The following AVP variants were observed in gnomAD, a reference collection of about 807,000 sequenced individuals.
The protein encoded by AVP is vasopressin-neurophysin 2-copeptin.
AVP carries 9 observed loss-of-function variants against 11.1 expected under a neutral mutation model. That is an observed-to-expected ratio of 0.81 (90% CI 0.49 to 1.42). The LOEUF (loss-of-function observed/expected upper bound fraction) is 1.42, where lower values mean the gene tolerates loss of function less well. Ranked by LOEUF, AVP falls within the 40% of genes most tolerant of loss-of-function variation. The pLI is 0.00. For missense variants in AVP, 206 were observed against 238.5 expected (o/e 0.86, Z 0.90); for synonymous variants, 106 against 111.3 (o/e 0.95, Z 0.30).
In AVP at chr20:3,084,625, GAGA is replaced by G. The variant is rs1346862847; in HGVS notation, c.47_49del (p.Phe16del). ...GCAGTTCTGGAAGTAGCACGCGGAGGAGAAGGCCAGTAGGCCGAGGAAGCAGGC... is the reference window on the plus strand; with the variant it reads ...GCAGTTCTGGAAGTAGCACGCGGAGGAGGCCAGTAGGCCGAGGAAGCAGGC... On this transcript the variant is annotated inframe_deletion, in exon 1 of 3. Transcript: ENST00000380293. The G allele has an allele frequency of 6.2e-7, 1 of 1,613,780 alleles. No individual in the cohort carries two copies. Among genetic ancestry groups the G allele is most frequent in the Non-Finnish European group, 8.5e-7 (1 of 1,180,052 alleles).
chr20:3,082,904 G>A lies in AVP; in HGVS notation c.322+73C>T. The A allele has an allele frequency of 2.3e-6, 1 of 435,840 alleles. No homozygotes were observed. The allele number at this position is 435,840 out of a possible 1,614,324, so 27.0% of individuals were successfully genotyped here. A position where few individuals can be genotyped will look rare whatever the true frequency, so the allele number is the denominator to read the frequency against. On this transcript the variant is annotated intron_variant, in intron 2 of 2. Transcript: ENST00000380293. This position sits in a 1 kb window ranked among gnomAD's most constrained non-coding sequence, Gnocchi z 4.7. ...CCGGGCCCGACGCAGCCCCCACCCC[G>A]CCGCAGGCCCGCGTCCCCCCCACCC...
Position 3,082,587 on chromosome 20 carries a change from A to AG in AVP, c.*42dup. The AG allele has an allele frequency of 8.1e-7, 1 of 1,235,404 alleles. No homozygotes were observed. The highest frequency in any genetic ancestry group is 3.2e-5 in the East Asian group (1 of 30,878). 76.5% of individuals were successfully genotyped at this position (1,235,404 alleles called of 1,614,324 possible). ...GGCGGAGGTTTATTGTCCGTGCTGC[A>AG]GGGGCGGGCGCGAAGAGCGCGCCGG... is the stretch of plus-strand genomic sequence containing the variant. On this transcript the variant is annotated 3_prime_UTR_variant, in exon 3 of 3. Coordinates refer to ENST00000380293, the MANE Select transcript of AVP (RefSeq NM_000490.5). The surrounding 1 kb of genome is among the most constrained non-coding windows in gnomAD (Gnocchi z 4.7).
chr20:3,082,669 C>A lies in AVP; in HGVS notation c.456G>T (p.Ala152=), dbSNP rs1161409198. The change falls in exon 3 of 3, where the codon GCG becomes GCT. Residue 152 remains alanine, a synonymous_variant. Transcript: ENST00000380293. This position sits in a 1 kb window ranked among gnomAD's most constrained non-coding sequence, Gnocchi z 4.7. ...GCTGGGCGGGCTCGAAGGGCTCGGG[C>A]GCCCCGGCCAGCTGCACCAGCCGCA... The part of the protein sequence containing the change: ...LLLRLVQLAG[A]PEPFEPAQPD... The A allele has an allele frequency of 1.2e-5, 15 of 1,283,830 alleles. No homozygotes were observed. The East Asian group carries it at 4.4e-4, about 38-fold the overall frequency. 79.5% of individuals were successfully genotyped at this position (1,283,830 alleles called of 1,614,324 possible). A position where few individuals can be genotyped will look rare whatever the true frequency, so the allele number is the denominator to read the frequency against.
Position 3,082,604 on chromosome 20 carries a change from G to C in AVP, c.*26C>G, listed in dbSNP as rs1317495753. ...CGTGCTGCAGGGGCGGGCGCGAAGA[G>C]CGCGCCGGTGGGGCGAGCGCGGGGC... On this transcript the variant is annotated 3_prime_UTR_variant, in exon 3 of 3. Coordinates refer to ENST00000380293, the MANE Select transcript of AVP (RefSeq NM_000490.5). This position sits in a 1 kb window ranked among gnomAD's most constrained non-coding sequence, Gnocchi z 4.7. 3 of 1,245,148 alleles carry C rather than the reference G, an allele frequency of 2.4e-6. No homozygotes were observed. Among genetic ancestry groups the C allele is most frequent in the Non-Finnish European group, 3.0e-6 (3 of 995,736 alleles). 77.1% of individuals were successfully genotyped at this position (1,245,148 alleles called of 1,614,324 possible).
Position 3,083,204 on chromosome 20 carries a change from G to A in AVP, c.121-26C>T. 3 of 1,449,230 alleles carry A rather than the reference G, an allele frequency of 2.1e-6. No homozygotes were observed. Among genetic ancestry groups the A allele is most frequent in the Non-Finnish European group, 2.7e-6 (3 of 1,101,474 alleles). 89.8% of individuals were successfully genotyped at this position (1,449,230 alleles called of 1,614,324 possible). The stretch of plus-strand genomic sequence containing the variant: ...CTGCGGGGACGGGCGGGGTGAGCGG[G>A]AGGAGGGGAGCCGGGAGTCGAGGGG... On this transcript the variant is annotated intron_variant, in intron 1 of 2. Transcript: ENST00000380293. This position sits in a 1 kb window ranked among gnomAD's most constrained non-coding sequence, Gnocchi z 5.4.
In AVP at chr20:3,082,731, C is replaced by A; in HGVS notation, c.394G>T (p.Ala132Ser). ...RRARASDRSNATQLDGPAGAL... is the reference protein window; with the variant it reads ...RRARASDRSNSTQLDGPAGAL... ...CCGGCCGGCCCGTCCAGCTGCGTGG[C>A]GTTGCTCCGGTCGCTGGCGCGGGCG... is the stretch of plus-strand genomic sequence containing the variant. Residue 132 changes from alanine (A) to serine (S), a missense_variant, in exon 3 of 3, where the codon GCC becomes TCC. By Grantham distance (99) the Ala-to-Ser change is moderately conservative (BLOSUM62 1). Coordinates refer to ENST00000380293, the MANE Select transcript of AVP (RefSeq NM_000490.5). This position sits in a 1 kb window ranked among gnomAD's most constrained non-coding sequence, Gnocchi z 4.7. 7.8e-7 allele frequency: 1 copy of A among 1,285,412 alleles called. No homozygotes were observed. Among genetic ancestry groups the A allele is most frequent in the Non-Finnish European group, 9.8e-7 (1 of 1,019,178 alleles). 79.6% of individuals were successfully genotyped at this position (1,285,412 alleles called of 1,614,324 possible).
chr20:3,083,313 C>A lies in AVP; in HGVS notation c.121-135G>T. 1.0e-6 allele frequency: 1 copy of A among 988,866 alleles called. No individual in the cohort carries two copies. Among genetic ancestry groups the A allele is most frequent in the South Asian group, 2.2e-5 (1 of 44,664 alleles). 61.3% of individuals were successfully genotyped at this position (988,866 alleles called of 1,614,324 possible). ...GACACCGGGGCTGCGGCTGCAGGCA[C>A]GCTCGGGCGCCACTGGGCCTCGACC... On this transcript the variant is annotated intron_variant, in intron 1 of 2. Transcript: ENST00000380293. This position sits in a 1 kb window ranked among gnomAD's most constrained non-coding sequence, Gnocchi z 5.4.
chr20:3,082,965 C>A lies in AVP; in HGVS notation c.322+12G>T. On this transcript the variant is annotated intron_variant, in intron 2 of 2. Transcript: ENST00000380293. This position sits in a 1 kb window ranked among gnomAD's most constrained non-coding sequence, Gnocchi z 4.7. Reference sequence around the variant, plus strand: ...CGCCCCCCCCAGCCCCAGGCCCGCCCCCGCCGCGCACCGTCGTTGCAGCAA... The same window carrying A: ...CGCCCCCCCCAGCCCCAGGCCCGCCACCGCCGCGCACCGTCGTTGCAGCAA... 1 of 1,438,756 alleles carries A rather than the reference C, an allele frequency of 7.0e-7. No individual in the cohort carries two copies. The allele number at this position is 1,438,756 out of a possible 1,614,324, so 89.1% of individuals were successfully genotyped here. A position where few individuals can be genotyped will look rare whatever the true frequency, so the allele number is the denominator to read the frequency against.
chr20:3,082,681 C>G lies in AVP; in HGVS notation c.444G>C (p.Gln148His). ...CGAAGGGCTCGGGCGCCCCGGCCAG[C>G]TGCACCAGCCGCAGCAGCAAGGCCC... ...PAGALLLRLV[Q>H]LAGAPEPFEP... Residue 148 changes from glutamine to histidine, a missense_variant, in exon 3 of 3, where the codon CAG becomes CAC. Coordinates refer to ENST00000380293, the MANE Select transcript of AVP (RefSeq NM_000490.5). The surrounding 1 kb of genome is among the most constrained non-coding windows in gnomAD (Gnocchi z 4.7). The G allele has an allele frequency of 7.8e-7, 1 of 1,287,850 alleles. No individual in the cohort carries two copies. Among genetic ancestry groups the G allele is most frequent in the Non-Finnish European group, 9.8e-7 (1 of 1,020,880 alleles). 79.8% of individuals were successfully genotyped at this position (1,287,850 alleles called of 1,614,324 possible).
intron 1 of AVP, 106 bp downstream of exon 1, chr20:3,084,449 C>G: frequency 6.3e-7 from 1 of 1,587,260 alleles, no homozygotes; most frequent in Non-Finnish European, 8.6e-7. Flanking sequence ...CCGAACTTCC[C>G]CTAAAGGCTA....
At position 3,082,758 on chromosome 20, in the gene AVP, G is replaced by A. The variant is rs1049648051; in HGVS notation, c.367C>T (p.Arg123Cys). The change falls in exon 3 of 3, where the codon CGC (arginine) becomes TGC (cysteine). Residue 123 changes from arginine to cysteine, a missense_variant. Physicochemically the swap from Arg to Cys is radical, Grantham distance 180 (BLOSUM62 -3). Transcript: ENST00000380293. The surrounding 1 kb of genome is among the most constrained non-coding windows in gnomAD (Gnocchi z 4.7). ...EPECREGFHR[R>C]ARASDRSNAT... ...TTGCTCCGGTCGCTGGCGCGGGCGC[G>A]GCGGTGAAAGCCCTCGCGGCACTCG... 2.4e-6 allele frequency: 3 copies of A among 1,271,810 alleles called. No homozygotes were observed. Among genetic ancestry groups the A allele is most frequent in the Admixed American group, 4.1e-5 (1 of 24,592 alleles). 78.8% of individuals were successfully genotyped at this position (1,271,810 alleles called of 1,614,324 possible).
chr20:3,084,679 G>A lies in AVP; in HGVS notation c.-5C>T. 1.9e-6 allele frequency: 3 copies of A among 1,612,942 alleles called. No individual in the cohort carries two copies. In the South Asian group the frequency reaches 3.3e-5, roughly 18 times the overall value. On this transcript the variant is annotated 5_prime_UTR_variant, in exon 1 of 3. Coordinates refer to ENST00000380293, the MANE Select transcript of AVP (RefSeq NM_000490.5). The stretch of plus-strand genomic sequence containing the variant: ...GGGCAGCATGGTGTCAGGCATCCTG[G>A]TGCACACAGGTGGACCCCGTATGCA...
chr20:3,082,623 G>A lies in AVP; in HGVS notation c.*7C>T. 8.0e-7 allele frequency: 1 copy of A among 1,253,022 alleles called. No individual in the cohort carries two copies. Among genetic ancestry groups the A allele is most frequent in the Non-Finnish European group, 1.0e-6 (1 of 1,000,806 alleles). 77.6% of individuals were successfully genotyped at this position (1,253,022 alleles called of 1,614,324 possible). A position where few individuals can be genotyped will look rare whatever the true frequency, so the allele number is the denominator to read the frequency against. ...CGAAGAGCGCGCCGGTGGGGCGAGC[G>A]CGGGGCTCAGTAGGCGTCGGGCTGG... is the stretch of plus-strand genomic sequence containing the variant. On this transcript the variant is annotated 3_prime_UTR_variant, in exon 3 of 3. Coordinates refer to ENST00000380293, the MANE Select transcript of AVP (RefSeq NM_000490.5). This position sits in a 1 kb window ranked among gnomAD's most constrained non-coding sequence, Gnocchi z 4.7.
chr20:3,082,657 G>C lies in AVP; in HGVS notation c.468C>G (p.Phe156Leu), dbSNP rs1428916029. The change falls in exon 3 of 3, where the codon TTC becomes TTG. Residue 156 changes from phenylalanine (F) to leucine (L), a missense_variant. Transcript: ENST00000380293. The surrounding 1 kb of genome is among the most constrained non-coding windows in gnomAD (Gnocchi z 4.7). ...LVQLAGAPEP[F>L]EPAQPDAY ...AGTAGGCGTCGGGCTGGGCGGGCTC[G>C]AAGGGCTCGGGCGCCCCGGCCAGCT... The C allele has an allele frequency of 1.6e-5, 21 of 1,281,178 alleles. No homozygotes were observed. The highest frequency in any genetic ancestry group is 2.1e-5 in the Non-Finnish European group (21 of 1,018,174). 79.4% of individuals were successfully genotyped at this position (1,281,178 alleles called of 1,614,324 possible). A position where few individuals can be genotyped will look rare whatever the true frequency, so the allele number is the denominator to read the frequency against.
chr20:3,082,850 C>A lies in AVP; in HGVS notation c.323-48G>T. 8.2e-7 allele frequency: 1 copy of A among 1,219,720 alleles called. No individual in the cohort carries two copies. The highest frequency in any genetic ancestry group is 3.6e-5 in the South Asian group (1 of 27,532). 75.6% of individuals were successfully genotyped at this position (1,219,720 alleles called of 1,614,324 possible). ...CGGGCGCCCTGGGGCGGGCGCAGCTCGGGGTGCGGGGGGCCCACACCCTCC... is the reference window on the plus strand; with the variant it reads ...CGGGCGCCCTGGGGCGGGCGCAGCTAGGGGTGCGGGGGGCCCACACCCTCC... On this transcript the variant is annotated intron_variant, in intron 2 of 2. Coordinates refer to ENST00000380293, the MANE Select transcript of AVP (RefSeq NM_000490.5). The surrounding 1 kb of genome is among the most constrained non-coding windows in gnomAD (Gnocchi z 4.7).
intron 1 of AVP, 35 bp downstream of exon 1, chr20:3,084,520 A>G (rs779621649): frequency 2.5e-6 from 4 of 1,613,184 alleles, no homozygotes; most frequent in South Asian, 1.1e-5. Context: ...ACTGCCCGCT[A>G]TGGCAGCCCT....
Position 3,083,826 on chromosome 20 carries a change from AG to A in AVP, c.121-649del, listed in dbSNP as rs2148571371. Among the ~76,000 whole-genome samples, 1 of 152,340 alleles carries A rather than the reference AG, an allele frequency of 6.6e-6. No individual in the cohort carries two copies. Among genetic ancestry groups the A allele is most frequent in the African/African-American group, 2.4e-5 (1 of 41,582 alleles). On this transcript the variant is annotated intron_variant, in intron 1 of 2. Transcript: ENST00000380293. This position sits in a 1 kb window ranked among gnomAD's most constrained non-coding sequence, Gnocchi z 5.4. Reference sequence around the variant, plus strand: ...CCTAAAGGAGCCTAGCAGGAGGAAGAGAGGCTGCGGGGGTTGCCGAGCGGCC... The same window carrying A: ...CCTAAAGGAGCCTAGCAGGAGGAAGAAGGCTGCGGGGGTTGCCGAGCGGCC...
chr20:3,084,086 G>A (rs184987173), intron 1 of AVP, among the ~76,000 whole-genome samples: 66 of 152,210 alleles, frequency 4.3e-4, no homozygotes, highest in Non-Finnish European at 5.9e-4. Flanking sequence ...CCACTCAAGC[G>A]CGCTCAGACC....
chr20:3,083,166 C>T lies in AVP; in HGVS notation c.133G>A (p.Gly45Ser). The change falls in exon 2 of 3, where the codon GGC (glycine) becomes AGC (serine). Residue 45 changes from glycine to serine, a missense_variant. Transcript: ENST00000380293. The surrounding 1 kb of genome is among the most constrained non-coding windows in gnomAD (Gnocchi z 5.4). The part of the protein sequence containing the change: ...DLELRQCLPC[G>S]PGGKGRCFGP... ...AAGCAGCGGCCTTTGCCCCCGGGGC[C>T]GCAGGGGAGGCACTGCGGGGACGGG... 6.7e-7 allele frequency: 1 copy of T among 1,501,486 alleles called. No individual in the cohort carries two copies. Among genetic ancestry groups the T allele is most frequent in the Non-Finnish European group, 8.8e-7 (1 of 1,131,438 alleles). 93.0% of individuals were successfully genotyped at this position (1,501,486 alleles called of 1,614,324 possible).
Sources: allele counts gnomAD v4.1 joint callset (sites outside exome capture counted in the v4.1 genomes callset), GRCh38; gene constraint gnomAD v4.1.1; non-coding constraint Gnocchi (gnomAD v3.1); transcripts MANE v1.5; gene names NCBI Gene and HGNC (gene_info 2026-07-23, HGNC 2026-07-21).